SYNE1: variants seen among roughly 807,000 people sequenced by gnomAD.
SYNE1 encodes the protein nesprin-1.
SYNE1 carries 616 observed loss-of-function variants against 1,111.0 expected under a neutral mutation model. That is an observed-to-expected ratio of 0.55 (90% CI 0.52 to 0.59). The LOEUF (loss-of-function observed/expected upper bound fraction) is 0.59. SYNE1 is among the 20% of genes least tolerant of loss of function. The pLI, the probability that SYNE1 is intolerant of heterozygous loss-of-function variation, is 0.00. For synonymous variants in SYNE1, 3,855 were observed against 3,825.8 expected, an observed-to-expected ratio of 1.01 and a Z score of -0.28; for missense variants, 10,006 against 10,417.0, an observed-to-expected ratio of 0.96 and a Z score of 1.72.
rs1375241480 is a variant in SYNE1, at chr6:152,492,648, G to A, written c.940-4145C>T. On this transcript the variant is annotated intron_variant, in intron 11 of 145. Coordinates refer to ENST00000367255, the MANE Select transcript of SYNE1 (RefSeq NM_182961.4). ...AACTCTGGCCCAAGGCTCTCTGACT[G>A]ACTCCTTCCCAGATCTTCTCAGCTT... 5.9e-5 allele frequency among the ~76,000 whole-genome samples: 9 copies of A among 152,300 alleles called. No individual in the cohort carries two copies. The East Asian group carries it at 1.7e-3, about 29-fold the overall frequency.
Position 152,219,464 on chromosome 6 carries a change from G to A in SYNE1, c.21862-279C>T, listed in dbSNP as rs553679187. Among the ~76,000 whole-genome samples the A allele has an allele frequency of 2.7e-5, 4 of 148,392 alleles. No homozygotes were observed. The South Asian group carries it at 8.6e-4, about 32-fold the overall frequency. On this transcript the variant is annotated intron_variant, in intron 119 of 145. Coordinates refer to ENST00000367255, the MANE Select transcript of SYNE1 (RefSeq NM_182961.4). ...TATGTAGGTTCATTACAGGACCTTG[G>A]GGAAATGCAGAAAAACATACATAAA...
chr6:152,300,884 G>C, intron 92 of SYNE1, 103 bp from the exon 93 acceptor site: 6 of 1,539,136 alleles, frequency 3.9e-6, no homozygotes, highest in Non-Finnish European at 4.5e-6. Flanking sequence ...ATAAAACGAA[G>C]GTTAAAATTA....
chr6:152,333,412 C>T (rs1233999850), intron 77 of SYNE1, among the ~76,000 whole-genome samples: 1 of 152,020 alleles, frequency 6.6e-6, no homozygotes, highest in African/African-American at 2.4e-5. Context: ...GATGATATCC[C>T]ATAACTTGTA....
At chr6:152,345,049 C>T (rs983577682) in intron 73 of SYNE1, among the ~76,000 whole-genome samples, 5 of 152,112 alleles carry the variant, frequency 3.3e-5, no homozygotes, top group East Asian at 1.9e-4. Context: ...TCATCACTTT[C>T]GTCTGACATT....
At chr6:152,151,300 T>C (rs1030863325) in intron 135 of SYNE1, among the ~76,000 whole-genome samples, 2 of 151,808 alleles carry the variant, frequency 1.3e-5, no homozygotes, top group African/African-American at 4.8e-5. Flanking sequence ...TCAATCAAGC[T>C]GTTGAAAAAT....
intron 54 of SYNE1, 122 bp from the exon 55 acceptor site, chr6:152,385,960 AT>A (rs2154124489): frequency 2.2e-6 from 2 of 908,534 alleles, no homozygotes; most frequent in Admixed American, 2.3e-5. Flanking sequence ...TTGTTCTTGA[AT>A]TTTCTCTGAG....
intron 143 of SYNE1, among the ~76,000 whole-genome samples, chr6:152,132,913 G>A (rs1382577872): frequency 1.3e-5 from 2 of 149,520 alleles, no homozygotes; most frequent in East Asian, 3.9e-4. Flanking sequence ...GAGAATTCAT[G>A]CCTGAGAGTG....
At chr6:152,175,925 C>T (rs2066358928) in intron 130 of SYNE1, among the ~76,000 whole-genome samples, 1 of 152,208 alleles carries the variant, frequency 6.6e-6, no homozygotes, top group Middle Eastern at 3.4e-3. Context: ...TACTATAATG[C>T]AGCAGCTGAT....
At chr6:152,274,281 T>A (rs962063867) in intron 98 of SYNE1, among the ~76,000 whole-genome samples, 1 of 152,212 alleles carries the variant, frequency 6.6e-6, no homozygotes, top group Admixed American at 6.5e-5. Context: ...TTTATTTGCA[T>A]CTATTTACCC....
At position 152,164,158 on chromosome 6, in the gene SYNE1, C is replaced by G. The variant is rs372263704; in HGVS notation, c.23790+5G>C. The stretch of plus-strand genomic sequence containing the variant: ...TATTAATTCCATTTCCATTTTAAGT[C>G]TTACCTGCTGCTCATTAAGCTTTCT... On this transcript the variant is annotated splice_donor_5th_base_variant and intron_variant, in intron 131 of 145. Transcript: ENST00000367255. 5 of 1,614,100 alleles carry G rather than the reference C, an allele frequency of 3.1e-6. No individual in the cohort carries two copies. In the African/African-American group the frequency reaches 5.3e-5, roughly 17 times the overall value.
chr6:152,308,239 A>G (rs1324795251), intron 91 of SYNE1, among the ~76,000 whole-genome samples: 2 of 152,168 alleles, frequency 1.3e-5, no homozygotes, highest in Non-Finnish European at 2.9e-5. Flanking sequence ...AGGAGATGAT[A>G]ATCAGTGGGT....
At chr6:152,532,269 A>C (rs563529046) in intron 4 of SYNE1, among the ~76,000 whole-genome samples, 74 of 152,334 alleles carry the variant, frequency 4.9e-4, no homozygotes, top group African/African-American at 1.7e-3. Context: ...AAAGAAAATG[A>C]TAAAATCACC....
chr6:152,266,125 CT>C (rs1161660031), intron 100 of SYNE1, among the ~76,000 whole-genome samples: 3 of 152,002 alleles, frequency 2.0e-5, no homozygotes, highest in Non-Finnish European at 2.9e-5. Context: ...TATAAGTAGT[CT>C]TTAAAGTGGA....
chr6:152,465,760 A>AACACACACAC (rs113781129), intron 17 of SYNE1, among the ~76,000 whole-genome samples: 3,968 of 133,234 alleles, frequency 0.03, 118 homozygotes, highest in African/African-American at 0.065. Context: ...CTCTTAGAAG[A>AACACACACAC]ACACATACAC....
At chr6:152,492,814 T>C (rs369322330) in intron 11 of SYNE1, among the ~76,000 whole-genome samples, 19 of 152,302 alleles carry the variant, frequency 1.2e-4, no homozygotes, top group Non-Finnish European at 2.4e-4. Context: ...ATTACCTTCT[T>C]TTCAAGGGCC....
chr6:152,130,669 A>G (rs374973560), intron 145 of SYNE1, 51 bp downstream of exon 145: 49 of 1,603,082 alleles, frequency 3.1e-5, no homozygotes, highest in Non-Finnish European at 4.0e-5. Flanking sequence ...GACAATTTTC[A>G]TCATCCTCTT....
At position 152,141,732 on chromosome 6, in the gene SYNE1, G is replaced by A. The variant is rs116421192; in HGVS notation, c.25120-403C>T. ...ATTGTGTTACTGCACTCCAGCCTAT[G>A]CGACAGAGTGAGACCCAGTCTCAAA... On this transcript the variant is annotated intron_variant, in intron 138 of 145. Transcript: ENST00000367255. 7.8e-3 allele frequency among the ~76,000 whole-genome samples: 1,184 copies of A among 152,114 alleles called. 19 individuals carry two copies. Among genetic ancestry groups the A allele is most frequent in the African/African-American group, 0.027 (1,125 of 41,482 alleles).
intron 124 of SYNE1, 65 bp downstream of exon 124, chr6:152,211,429 T>C (rs2077501943): frequency 3.6e-6 from 5 of 1,376,534 alleles, no homozygotes; most frequent in African/African-American, 2.8e-5. Context: ...TCCAATCTGC[T>C]CATTAAAAAG....
intron 5 of SYNE1, among the ~76,000 whole-genome samples, chr6:152,524,374 A>G (rs1388483798): frequency 6.6e-6 from 1 of 152,168 alleles, no homozygotes; most frequent in African/African-American, 2.4e-5. Context: ...ATGTCAATAA[A>G]CACTTAGAAT....
Sources: allele counts gnomAD v4.1 joint callset (sites outside exome capture counted in the v4.1 genomes callset), GRCh38; gene constraint gnomAD v4.1.1; transcripts MANE v1.5; gene names NCBI Gene and HGNC (gene_info 2026-07-23, HGNC 2026-07-21).